GALNTL6: variants seen among roughly 807,000 people sequenced by gnomAD.
GALNTL6 encodes the protein polypeptide N-acetylgalactosaminyltransferase-like 6.
Under a neutral mutation model 73.7 loss-of-function variants are expected in GALNTL6, and 46 were observed. The observed-to-expected ratio is 0.62, with a 90% CI of 0.49 to 0.80. The LOEUF is 0.80. Ranked by LOEUF, GALNTL6 falls within the 30% of genes least tolerant of loss-of-function variation. GALNTL6 has a pLI of 0.00. For synonymous variants in GALNTL6, 259 were observed against 263.7 expected (o/e 0.98, Z 0.17); for missense variants, 604 against 755.0 (o/e 0.80, Z 2.34).
intron 8 of GALNTL6, among the ~76,000 whole-genome samples, chr4:172,891,589 T>C (rs1375393343): frequency 6.6e-6 from 1 of 152,178 alleles, no homozygotes; most frequent in Non-Finnish European, 1.5e-5. Context: ...TGCATTGACC[T>C]TGTAAAGTCT....
At chr4:172,522,205 CTATT>C (rs937672615) in intron 5 of GALNTL6, among the ~76,000 whole-genome samples, 3 of 151,670 alleles carry the variant, frequency 2.0e-5, no homozygotes, top group East Asian at 1.9e-4. Context: ...TTAAAGAAAA[CTATT>C]TAAAGGGATA....
chr4:172,930,055 T>A (rs1748247572), intron 8 of GALNTL6, among the ~76,000 whole-genome samples: 1 of 152,142 alleles, frequency 6.6e-6, no homozygotes, highest in African/African-American at 2.4e-5. Context: ...GGTGGGCGGA[T>A]CACCTGAGGT....
At chr4:172,707,264 T>C (rs1370671583) in intron 5 of GALNTL6, among the ~76,000 whole-genome samples, 2 of 152,176 alleles carry the variant, frequency 1.3e-5, no homozygotes. Flanking sequence ...TTCAAAAAAT[T>C]CTTCAACTTT....
chr4:172,083,378 A>G (rs1731938375), intron 2 of GALNTL6, among the ~76,000 whole-genome samples: 1 of 152,178 alleles, frequency 6.6e-6, no homozygotes, highest in South Asian at 2.1e-4. Flanking sequence ...ATCCTAGCTC[A>G]CTTAAATGCT....
rs1041726784 is a variant in GALNTL6, at chr4:172,772,238, A to T, written c.554-37123A>T. 7.9e-5 allele frequency among the ~76,000 whole-genome samples: 12 copies of T among 152,358 alleles called. No homozygotes were observed. In the South Asian group the frequency reaches 2.3e-3, roughly 29 times the overall value. On this transcript the variant is annotated intron_variant, in intron 5 of 12. Transcript: ENST00000506823. ...TTCAAAATGAGATTTGTGTGGGGAC[A>T]TAGCCAAACCATATCACCATTTATG...
At chr4:172,622,929 C>G (rs1427976166) in intron 5 of GALNTL6, among the ~76,000 whole-genome samples, 1 of 151,970 alleles carries the variant, frequency 6.6e-6, no homozygotes, top group Non-Finnish European at 1.5e-5. Flanking sequence ...TAAGTCCATA[C>G]CAAAAAAATT....
chr4:171,940,864 T>TAAATAAAAAAAA (rs35996530), intron 2 of GALNTL6, among the ~76,000 whole-genome samples: 4 of 142,246 alleles, frequency 2.8e-5, no homozygotes, highest in East Asian at 2.0e-4. Context: ...AATAAATAAA[T>TAAATAAAAAAAA]ATATAAGTCA....
At chr4:171,854,345 A>G (rs1735620380) in intron 2 of GALNTL6, among the ~76,000 whole-genome samples, 1 of 152,192 alleles carries the variant, frequency 6.6e-6, no homozygotes, top group Non-Finnish European at 1.5e-5. Flanking sequence ...AAGGGGATAT[A>G]AGAATCAAGT....
chr4:173,003,757 C>T (rs1428128616), intron 10 of GALNTL6, among the ~76,000 whole-genome samples: 1 of 152,176 alleles, frequency 6.6e-6, no homozygotes, highest in African/African-American at 2.4e-5. Flanking sequence ...GCAATAGTGT[C>T]CTTCTGTCAT....
At chr4:172,449,028 T>G in intron 5 of GALNTL6, among the ~76,000 whole-genome samples, 1 of 152,200 alleles carries the variant, frequency 6.6e-6, no homozygotes, top group East Asian at 1.9e-4. Flanking sequence ...TTATGGAGAA[T>G]ATGGATACAA....
At chr4:172,773,465 A>T (rs1032165505) in intron 5 of GALNTL6, among the ~76,000 whole-genome samples, 1 of 152,320 alleles carries the variant, frequency 6.6e-6, no homozygotes, top group East Asian at 1.9e-4. Flanking sequence ...GCCAAAATTT[A>T]TGCAGAATAT....
At position 172,786,760 on chromosome 4, in the gene GALNTL6, T is replaced by C. The variant is rs148955905; in HGVS notation, c.554-22601T>C. ...GCATAATCTGTTGGTATGGAGAAGA[T>C]GTAAAAGGGCATATTTAAACTAAAA... On this transcript the variant is annotated intron_variant, in intron 5 of 12. Transcript: ENST00000506823. Among the ~76,000 whole-genome samples the C allele has an allele frequency of 1.2e-4, 19 of 152,212 alleles. No individual in the cohort carries two copies. The East Asian group carries it at 3.3e-3, about 26-fold the overall frequency.
chr4:172,785,864 T>C (rs1739624183), intron 5 of GALNTL6, among the ~76,000 whole-genome samples: 1 of 152,190 alleles, frequency 6.6e-6, no homozygotes, highest in Non-Finnish European at 1.5e-5. Flanking sequence ...TATGTGAGTT[T>C]TTGTTGGTGT....
At chr4:172,266,079 G>T (rs1386531364) in intron 3 of GALNTL6, 2 of 152,088 alleles carry the variant, frequency 1.3e-5, no homozygotes, top group Non-Finnish European at 2.9e-5. Flanking sequence ...ACTTCTGAGA[G>T]TGGAGCCCAA....
chr4:172,334,255 A>G (rs1439172288), intron 4 of GALNTL6, among the ~76,000 whole-genome samples: 1 of 152,060 alleles, frequency 6.6e-6, no homozygotes, highest in Non-Finnish European at 1.5e-5. Context: ...GTTCTATTGA[A>G]TTTTAGGACT....
intron 2 of GALNTL6, among the ~76,000 whole-genome samples, chr4:172,109,620 TGTC>T (rs1403888047): frequency 6.6e-6 from 1 of 152,180 alleles, no homozygotes; most frequent in Non-Finnish European, 1.5e-5. Flanking sequence ...TAAAGACAAA[TGTC>T]AACCTCTCAG....
intron 2 of GALNTL6, among the ~76,000 whole-genome samples, chr4:172,097,847 A>C (rs1732402378): frequency 6.6e-6 from 1 of 152,124 alleles, no homozygotes; most frequent in African/African-American, 2.4e-5. Flanking sequence ...GTCAGTCAGC[A>C]TGTTTGCTCT....
intron 2 of GALNTL6, among the ~76,000 whole-genome samples, chr4:172,040,501 A>AAAAT (rs1303469442): frequency 6.6e-6 from 1 of 152,050 alleles, no homozygotes. Context: ...CAGATGCTCC[A>AAAAT]AAATAAATAC....
intron 5 of GALNTL6, among the ~76,000 whole-genome samples, chr4:172,439,970 T>C (rs1241928749): frequency 6.6e-6 from 1 of 152,030 alleles, no homozygotes; most frequent in East Asian, 1.9e-4. Context: ...ACTCTTGGTG[T>C]TGTATGTTCT....
Sources: gnomAD v4.1 joint callset for allele counts (sites outside exome capture counted in the v4.1 genomes callset) on GRCh38, gnomAD v4.1.1 for gene constraint, MANE v1.5 for transcripts, NCBI Gene and HGNC (gene_info 2026-07-23, HGNC 2026-07-21) for gene names.